The following PLXNA4 variants were observed in gnomAD, a reference collection of about 807,000 sequenced individuals.
PLXNA4 encodes plexin A4.
A neutral mutation model predicts 191.8 loss-of-function variants in PLXNA4; 44 were observed. The observed-to-expected ratio is 0.23, with a 90% confidence interval of 0.18 to 0.29. The LOEUF (loss-of-function observed/expected upper bound fraction) is 0.29. PLXNA4 is among the 10% of genes least tolerant of loss of function. PLXNA4 has a pLI of 1.00. For synonymous variants in PLXNA4, 1,082 were observed against 1,009.5 expected (o/e 1.07, Z -1.36); for missense variants, 1,800 against 2,488.8 (o/e 0.72, Z 5.89).
At chr7:132,224,215 C>T (rs1798239009) in intron 8 of PLXNA4, among the ~76,000 whole-genome samples, 1 of 152,154 alleles carries the variant, frequency 6.6e-6, no homozygotes, top group Non-Finnish European at 1.5e-5. Flanking sequence ...AACTCAAATG[C>T]CTCTCCATAC....
chr7:132,339,764 A>C (rs1206002437), intron 3 of PLXNA4, among the ~76,000 whole-genome samples: 1 of 152,116 alleles, frequency 6.6e-6, no homozygotes, highest in African/African-American at 2.4e-5. Context: ...GGGCCCCCAC[A>C]CTTAGTTTAG....
intron 3 of PLXNA4, among the ~76,000 whole-genome samples, chr7:132,367,044 TA>T (rs1804215325): frequency 6.6e-6 from 1 of 152,204 alleles, no homozygotes; most frequent in Non-Finnish European, 1.5e-5. Flanking sequence ...GTGCTTGGAT[TA>T]CAGGCATGAG....
chr7:132,144,681 C>G (rs533486158), intron 29 of PLXNA4, among the ~76,000 whole-genome samples: 1 of 152,152 alleles, frequency 6.6e-6, no homozygotes, highest in Non-Finnish European at 1.5e-5. Context: ...AGCATTTGTC[C>G]CACACCAGCA....
intron 7 of PLXNA4, among the ~76,000 whole-genome samples, chr7:132,226,463 G>A (rs900237677): frequency 2.0e-5 from 3 of 152,198 alleles, no homozygotes; most frequent in East Asian, 1.9e-4. Flanking sequence ...CCTGCCCACC[G>A]TATCACTTCC....
chr7:132,123,681 A>C lies in PLXNA4; in HGVS notation c.*6798T>G, dbSNP rs983812760. Reference sequence around the variant, plus strand: ...AGATATGCTTTGCTTTGTTCTAACAAAGGGTCAATGTTCGAGGTGGGAGCT... The same window carrying C: ...AGATATGCTTTGCTTTGTTCTAACACAGGGTCAATGTTCGAGGTGGGAGCT... On this transcript the variant is annotated 3_prime_UTR_variant, in exon 32 of 32. Transcript: ENST00000321063. The C allele has an allele frequency of 3.3e-5, 5 of 152,184 alleles. No homozygotes were observed. Among genetic ancestry groups the C allele is most frequent in the African/African-American group, 9.7e-5 (4 of 41,432 alleles). 9.4% of individuals were successfully genotyped at this position (152,184 alleles called of 1,614,324 possible). A position where few individuals can be genotyped will look rare whatever the true frequency, so the allele number is the denominator to read the frequency against.
At chr7:132,130,710 C>A in intron 31 of PLXNA4, 136 bp from the exon 32 acceptor site, 3 of 1,335,336 alleles carry the variant, frequency 2.2e-6, no homozygotes, top group Admixed American at 2.1e-5. Context: ...CAGGACACTG[C>A]GGGGTAGGAG....
intron 14 of PLXNA4, among the ~76,000 whole-genome samples, chr7:132,188,287 A>G (rs1202674935): frequency 6.6e-6 from 1 of 152,234 alleles, no homozygotes; most frequent in Non-Finnish European, 1.5e-5. Context: ...GCAGGGCAGA[A>G]AAAAGCTCTT....
At chr7:132,156,143 C>CAG (rs1795787653) in intron 25 of PLXNA4, among the ~76,000 whole-genome samples, 1 of 133,826 alleles carries the variant, frequency 7.5e-6, no homozygotes, top group African/African-American at 3.3e-5. Flanking sequence ...CATACACACA[C>CAG]ACACACACAC....
intron 3 of PLXNA4, among the ~76,000 whole-genome samples, chr7:132,426,450 G>A (rs1188635914): frequency 6.6e-6 from 1 of 152,230 alleles, no homozygotes; most frequent in Non-Finnish European, 1.5e-5. Flanking sequence ...CTAGCTCAGT[G>A]TCATGCCCAC....
At chr7:132,474,532 G>A (rs950882125) in intron 3 of PLXNA4, among the ~76,000 whole-genome samples, 1 of 152,060 alleles carries the variant, frequency 6.6e-6, no homozygotes. Flanking sequence ...CAGGGACTCA[G>A]TGAGTAGCCA....
At chr7:132,201,272 C>T (rs567393448) in intron 12 of PLXNA4, among the ~76,000 whole-genome samples, 2 of 152,244 alleles carry the variant, frequency 1.3e-5, no homozygotes, top group Non-Finnish European at 2.9e-5. Flanking sequence ...AACGGCAGGA[C>T]GATCCATTTC....
At chr7:132,184,503 G>A (rs1411402621) in intron 16 of PLXNA4, among the ~76,000 whole-genome samples, 2 of 152,266 alleles carry the variant, frequency 1.3e-5, no homozygotes, top group South Asian at 2.1e-4. Flanking sequence ...GACTCATGCC[G>A]TGTGCCTACT....
At chr7:132,136,734 G>A (rs1250098340) in intron 30 of PLXNA4, among the ~76,000 whole-genome samples, 4 of 152,306 alleles carry the variant, frequency 2.6e-5, no homozygotes, top group Admixed American at 2.0e-4. Context: ...TTGGGAAGAT[G>A]GTCTCCAATG....
At chr7:132,605,547 G>T (rs1802907000) in intron 2 of PLXNA4, among the ~76,000 whole-genome samples, 1 of 152,154 alleles carries the variant, frequency 6.6e-6, no homozygotes, top group African/African-American at 2.4e-5. Context: ...GGCATTGGTA[G>T]ATTTGGGCCA....
At chr7:132,320,763 CCAG>C (rs1219530799) in intron 3 of PLXNA4, among the ~76,000 whole-genome samples, 2 of 152,164 alleles carry the variant, frequency 1.3e-5, no homozygotes, top group African/African-American at 4.8e-5. Flanking sequence ...GGGCTCCTGA[CCAG>C]CAGCATCCGG....
chr7:132,485,591 T>G (rs1394509362), intron 3 of PLXNA4, among the ~76,000 whole-genome samples: 1 of 152,216 alleles, frequency 6.6e-6, no homozygotes, highest in Admixed American at 6.5e-5. Flanking sequence ...GCCAAAGATT[T>G]AGGTTTGCTT....
chr7:132,168,901 C>T (rs577096318), intron 21 of PLXNA4, among the ~76,000 whole-genome samples: 6 of 152,212 alleles, frequency 3.9e-5, no homozygotes, highest in Non-Finnish European at 8.8e-5. Flanking sequence ...TGTGTCATGG[C>T]AGAGCACCTC....
chr7:132,417,533 GATTTT>G (rs1052132015), intron 3 of PLXNA4, among the ~76,000 whole-genome samples: 1 of 152,184 alleles, frequency 6.6e-6, no homozygotes, highest in Non-Finnish European at 1.5e-5. Flanking sequence ...TGAGGGCAGA[GATTTT>G]ATTTCTGTAT....
intron 3 of PLXNA4, among the ~76,000 whole-genome samples, chr7:132,442,274 G>C (rs1398804089): frequency 6.6e-6 from 1 of 152,146 alleles, no homozygotes; most frequent in Non-Finnish European, 1.5e-5. Flanking sequence ...GGGCCACAGA[G>C]GTCCCTGATG....
Sources: allele counts gnomAD v4.1 joint callset (sites outside exome capture counted in the v4.1 genomes callset), GRCh38; gene constraint gnomAD v4.1.1; transcripts MANE v1.5; gene names NCBI Gene and HGNC (gene_info 2026-07-23, HGNC 2026-07-21).